BRCA2: variants seen among roughly 807,000 people sequenced by gnomAD.
BRCA2 encodes breast cancer type 2 susceptibility protein.
In BRCA2, 203 loss-of-function variants were observed where a neutral mutation model predicts 276.7. The ratio of observed to expected loss-of-function variants is 0.73; its 90% CI spans 0.65 to 0.82. BRCA2 has a LOEUF of 0.82. BRCA2 is among the 40% of genes least tolerant of loss of function. The pLI, the probability that BRCA2 is intolerant of heterozygous loss-of-function variation, is 0.00. For missense variants in BRCA2, 3,920 were observed against 3,915.0 expected, an observed-to-expected ratio of 1.00 and a Z score of -0.03; for synonymous variants, 1,289 against 1,338.4, an observed-to-expected ratio of 0.96 and a Z score of 0.81.
At position 32,331,168 on chromosome 13, in the gene BRCA2, G is replaced by C. The variant is rs187981981; in HGVS notation, c.793+138G>C. Reference sequence around the variant, plus strand: ...CTGCCTCCCGTGCTCAAGCGATCCTGCCTCAGCTTGCCAAGTAGCTGAGAT... The same window carrying C: ...CTGCCTCCCGTGCTCAAGCGATCCTCCCTCAGCTTGCCAAGTAGCTGAGAT... On this transcript the variant is annotated intron_variant, in intron 9 of 26. Coordinates refer to ENST00000380152, the MANE Select transcript of BRCA2 (RefSeq NM_000059.4). The C allele has an allele frequency of 1.2e-5, 8 of 660,434 alleles. No homozygotes were observed. The Admixed American group carries it at 2.0e-4, about 17-fold the overall frequency. 40.9% of individuals were successfully genotyped at this position (660,434 alleles called of 1,614,324 possible).
Position 32,337,877 on chromosome 13 carries a change from T to G in BRCA2, c.3522T>G (p.Gly1174=), listed in dbSNP as rs1264758829. 7 of 1,614,088 alleles carry G rather than the reference T, an allele frequency of 4.3e-6. No homozygotes were observed. The highest frequency in any genetic ancestry group is 5.9e-6 in the Non-Finnish European group (7 of 1,179,966). ...LHVIMNAPSI[G]QVDSSKQFEG... ...TCATAATGAATGCCCCATCGATTGG[T>G]CAGGTAGACAGCAGCAAGCAATTTG... Residue 1174 remains glycine (G), a synonymous_variant, in exon 11 of 27, where the codon GGT becomes GGG. Coordinates refer to ENST00000380152, the MANE Select transcript of BRCA2 (RefSeq NM_000059.4).
intron 13 of BRCA2, 105 bp from the exon 14 acceptor site, chr13:32,354,756 G>C: frequency 9.7e-6 from 8 of 825,970 alleles, no homozygotes; most frequent in Non-Finnish European, 1.6e-5. Flanking sequence ...ACAGTTACCA[G>C]AATAGTATCA....
intron 13 of BRCA2, among the ~76,000 whole-genome samples, chr13:32,350,270 CA>C (rs1367236850): frequency 6.6e-6 from 1 of 151,840 alleles, no homozygotes; most frequent in African/African-American, 2.4e-5. Flanking sequence ...TTAGAAGAAA[CA>C]TTATTCAAGG....
chr13:32,341,121 T>C lies in BRCA2; in HGVS notation c.6766T>C (p.Cys2256Arg), dbSNP rs559106452. 6.2e-7 allele frequency: 1 copy of C among 1,613,978 alleles called. No homozygotes were observed. Among genetic ancestry groups the C allele is most frequent in the East Asian group, 2.2e-5 (1 of 44,816 alleles). Residue 2256 changes from cysteine to arginine, a missense_variant, in exon 11 of 27, where the codon TGT becomes CGT. Coordinates refer to ENST00000380152, the MANE Select transcript of BRCA2 (RefSeq NM_000059.4). ...PSHATHSLFTCPENEEMVLSN... is the reference protein window; with the variant it reads ...PSHATHSLFTRPENEEMVLSN... ...TCATGCCACACATTCTCTTTTTACA[T>C]GTCCCGAAAATGAGGAAATGGTTTT...
chr13:32,393,913 C>G (rs1488357615), intron 24 of BRCA2, among the ~76,000 whole-genome samples: 3 of 152,156 alleles, frequency 2.0e-5, no homozygotes. Context: ...CAGTCCCAAT[C>G]CTAATCCTCC....
rs762458631 is a variant in BRCA2 at position 32,339,383 on chromosome 13, T to C, written c.5028T>C (p.Ser1676=). 3 of 1,595,382 alleles carry C rather than the reference T, an allele frequency of 1.9e-6. No homozygotes were observed. Among genetic ancestry groups the C allele is most frequent in the East Asian group, 4.5e-5 (2 of 44,692 alleles). The stretch of plus-strand genomic sequence containing the variant: ...CCTTAGCTTTTTACACAAGTTGTAG[T>C]AGAAAAACTTCTGTGAGTCAGACTT... ...NSALAFYTSC[S]RKTSVSQTSL... The change falls in exon 11 of 27, where the codon AGT becomes AGC. Residue 1676 remains serine, a synonymous_variant. Transcript: ENST00000380152.
At chr13:32,388,666 C>CTT (rs66813254) in intron 24 of BRCA2, among the ~76,000 whole-genome samples, 35,570 of 146,134 alleles carry the variant, frequency 0.24, 4,434 homozygotes, top group Middle Eastern at 0.29. Context: ...AATGCATTTT[C>CTT]TTTTTTTTTT....
At chr13:32,363,626 G>T in intron 18 of BRCA2, 93 bp downstream of exon 18, 1 of 1,149,296 alleles carries the variant, frequency 8.7e-7, no homozygotes, top group Non-Finnish European at 1.3e-6. Flanking sequence ...TACTAAGGAT[G>T]CTCAATTTCT....
intron 13 of BRCA2, among the ~76,000 whole-genome samples, chr13:32,354,153 A>T (rs1365983516): frequency 6.6e-6 from 1 of 152,212 alleles, no homozygotes; most frequent in Non-Finnish European, 1.5e-5. Flanking sequence ...CATAGCTATT[A>T]GGAAAGTTGA....
At chr13:32,372,148 A>G (rs375014656) in intron 20 of BRCA2, among the ~76,000 whole-genome samples, 4 of 152,254 alleles carry the variant, frequency 2.6e-5, no homozygotes, top group East Asian at 3.8e-4. Context: ...CATTTTATCC[A>G]TGGTAGAACT....
chr13:32,368,721 A>C (rs2072805044), intron 18 of BRCA2, among the ~76,000 whole-genome samples: 2 of 152,060 alleles, frequency 1.3e-5, no homozygotes, highest in African/African-American at 4.8e-5. Flanking sequence ...CAGAGTAAGG[A>C]AATTAATAGG....
intron 1 of BRCA2, 70 bp from the exon 2 acceptor site, chr13:32,316,352 G>C: frequency 1.0e-6 from 1 of 990,334 alleles, no homozygotes; most frequent in Non-Finnish European, 1.6e-6. Flanking sequence ...CAGCGCTTCT[G>C]AGTTTTACCT....
rs571327933 is a variant in BRCA2, at chr13:32,376,023, G to A, written c.8633-647G>A. On this transcript the variant is annotated intron_variant, in intron 20 of 26. Coordinates refer to ENST00000380152, the MANE Select transcript of BRCA2 (RefSeq NM_000059.4). ...ACATGAAGTGAGCACATACTGTTGC[G>A]AAAATGGCGCCAGTAGGCTTGCTCA... is the stretch of plus-strand genomic sequence containing the variant. 4.6e-5 allele frequency among the ~76,000 whole-genome samples: 7 copies of A among 152,240 alleles called. No homozygotes were observed. In the East Asian group the frequency reaches 9.7e-4, roughly 21 times the overall value.
chr13:32,375,856 G>A (rs754453851), intron 20 of BRCA2, among the ~76,000 whole-genome samples: 21 of 152,014 alleles, frequency 1.4e-4, no homozygotes, highest in South Asian at 8.3e-4. Flanking sequence ...CACCGTACCC[G>A]GCAAGACATG....
rs1593897457 is a variant in BRCA2 at position 32,337,013 on chromosome 13, T to C, written c.2658T>C (p.Asn886=). Reference sequence around the variant, plus strand: ...ACTCTGAAGAACTTTTCTCAGACAATGAGAATAATTTTGTCTTCCAAGTAG... The same window carrying C: ...ACTCTGAAGAACTTTTCTCAGACAACGAGAATAATTTTGTCTTCCAAGTAG... ...NPDSEELFSD[N]ENNFVFQVAN... Residue 886 remains asparagine (N), a synonymous_variant, in exon 11 of 27, where the codon AAT becomes AAC. Transcript: ENST00000380152. 1 of 1,589,934 alleles carries C rather than the reference T, an allele frequency of 6.3e-7. No homozygotes were observed.
At chr13:32,358,031 A>T in intron 16 of BRCA2, 102 bp downstream of exon 16, 2 of 1,227,476 alleles carry the variant, frequency 1.6e-6, no homozygotes, top group Non-Finnish European at 2.3e-6. Context: ...TAGAAATCAA[A>T]TTTTTATGCA....
intron 24 of BRCA2, among the ~76,000 whole-genome samples, chr13:32,383,232 C>T (rs1462916652): frequency 2.1e-5 from 3 of 143,584 alleles, no homozygotes; most frequent in Non-Finnish European, 3.1e-5. Context: ...TGGTGGCGGG[C>T]GCCTGCAGTC....
rs763138422 is a variant in BRCA2, at chr13:32,354,831, A to G, written c.7008-30A>G. 2.8e-6 allele frequency: 4 copies of G among 1,426,040 alleles called. No individual in the cohort carries two copies. Among genetic ancestry groups the G allele is most frequent in the African/African-American group, 1.4e-5 (1 of 70,906 alleles). 88.3% of individuals were successfully genotyped at this position (1,426,040 alleles called of 1,614,324 possible). A position where few individuals can be genotyped will look rare whatever the true frequency, so the allele number is the denominator to read the frequency against. ...TAAATATTTATATGTGTACTAGTCAATAAACTTATATATTTTCTCCCCATT... is the reference window on the plus strand; with the variant it reads ...TAAATATTTATATGTGTACTAGTCAGTAAACTTATATATTTTCTCCCCATT... On this transcript the variant is annotated intron_variant, in intron 13 of 26. Transcript: ENST00000380152.
chr13:32,394,659 T>C, intron 24 of BRCA2, 30 bp from the exon 25 acceptor site: 3 of 1,603,734 alleles, frequency 1.9e-6, no homozygotes, highest in Non-Finnish European at 2.6e-6. Flanking sequence ...ACATCTATAA[T>C]AACATTCTTT....
Sources: allele counts gnomAD v4.1 joint callset (sites outside exome capture counted in the v4.1 genomes callset), GRCh38; gene constraint gnomAD v4.1.1; transcripts MANE v1.5; gene names NCBI Gene and HGNC (gene_info 2026-07-23, HGNC 2026-07-21).